ZBTB9: variants seen among roughly 807,000 people sequenced by gnomAD.
The protein encoded by ZBTB9 is zinc finger and BTB domain-containing protein 9.
Under a neutral mutation model 26.3 loss-of-function variants are expected in ZBTB9, and 17 were observed. The observed-to-expected ratio is 0.65, with a 90% CI of 0.44 to 0.97. The LOEUF is 0.97. Ranked by LOEUF, ZBTB9 falls within the 50% of genes least tolerant of loss-of-function variation. The pLI, the probability that ZBTB9 is intolerant of heterozygous loss-of-function variation, is 0.00. For synonymous variants in ZBTB9, 226 were observed against 234.3 expected (o/e 0.96, Z 0.32); for missense variants, 510 against 594.2 (o/e 0.86, Z 1.47).
rs201509071 is a variant in ZBTB9, at chr6:33,455,534, G to A, written c.434G>A (p.Gly145Asp). The change falls in exon 2 of 2, where the codon GGT becomes GAT. Residue 145 changes from glycine (G) to aspartate (D), a missense_variant. Physicochemically the swap from Gly to Asp is moderately conservative, Grantham distance 94. Coordinates refer to ENST00000395064, the MANE Select transcript of ZBTB9 (RefSeq NM_152735.4). ...SEILRELETS[G>D]GGISARGGNS... is the part of the protein sequence containing the mutation. ...ATTCTTAGAGAATTAGAAACTTCAG[G>A]TGGTGGAATTTCAGCCCGTGGAGGA... 108 of 1,614,046 alleles carry A rather than the reference G, an allele frequency of 6.7e-5. No individual in the cohort carries two copies. The highest frequency in any genetic ancestry group is 8.7e-5 in the Non-Finnish European group (103 of 1,180,036).
chr6:33,456,347 G>C lies in ZBTB9; in HGVS notation c.1247G>C (p.Cys416Ser). ...FSLRPFGCGI[C>S]NKRFKLKHHL... ...CTTCGGCCTTTTGGCTGTGGCATCT[G>C]CAACAAGCGCTTCAAGCTGAAGCAC... The change falls in exon 2 of 2, where the codon TGC (cysteine) becomes TCC (serine). Residue 416 changes from cysteine to serine, a missense_variant. Coordinates refer to ENST00000395064, the MANE Select transcript of ZBTB9 (RefSeq NM_152735.4). The surrounding 1 kb of genome is among the most constrained non-coding windows in gnomAD (Gnocchi z 5.1). 6.2e-7 allele frequency: 1 copy of C among 1,614,136 alleles called. No homozygotes were observed. Among genetic ancestry groups the C allele is most frequent in the Non-Finnish European group, 8.5e-7 (1 of 1,180,046 alleles).
rs1008508262 is a variant in ZBTB9, at chr6:33,457,139, G to C, written c.*617G>C. The C allele has an allele frequency of 6.0e-6, 1 of 167,212 alleles. No individual in the cohort carries two copies. The highest frequency in any genetic ancestry group is 1.9e-4 in the East Asian group (1 of 5,192). 10.4% of individuals were successfully genotyped at this position (167,212 alleles called of 1,614,324 possible). A position where few individuals can be genotyped will look rare whatever the true frequency, so the allele number is the denominator to read the frequency against. ...TTGTAGCTGAGCACTTTAACAAGTT[G>C]AGCATTCCATGTTTCATTCTTAGAA... On this transcript the variant is annotated 3_prime_UTR_variant, in exon 2 of 2. Transcript: ENST00000395064.
At position 33,456,216 on chromosome 6, in the gene ZBTB9, G is replaced by A. The variant is rs1365198073; in HGVS notation, c.1116G>A (p.Lys372=). Residue 372 remains lysine (K), a synonymous_variant, in exon 2 of 2, where the codon AAG becomes AAA. Transcript: ENST00000395064. The surrounding 1 kb of genome is among the most constrained non-coding windows in gnomAD (Gnocchi z 5.1). ...GAGQAVHGPV[K]LGGTPPADGK... ...GCCAGGCCGTGCATGGGCCTGTGAA[G>A]CTAGGGGGGACACCCCCTGCAGATG... is the stretch of plus-strand genomic sequence containing the variant. 6.2e-7 allele frequency: 1 copy of A among 1,611,958 alleles called. No individual in the cohort carries two copies. Among genetic ancestry groups the A allele is most frequent in the East Asian group, 2.2e-5 (1 of 44,876 alleles).
rs1195769745 is a variant in ZBTB9, at chr6:33,455,162, G to A, written c.62G>A (p.Arg21Gln). 30 of 1,613,828 alleles carry A rather than the reference G, an allele frequency of 1.9e-5. No individual in the cohort carries two copies. The highest frequency in any genetic ancestry group is 2.1e-5 in the Non-Finnish European group (25 of 1,179,946). Reference protein sequence around the residue: ...PASPTCNPAPRTIQIEFPQHS... With the variant: ...PASPTCNPAPQTIQIEFPQHS... The stretch of plus-strand genomic sequence containing the variant: ...TCCCCGACCTGCAACCCAGCCCCAC[G>A]GACAATCCAGATCGAGTTCCCACAG... Residue 21 changes from arginine (R) to glutamine (Q), a missense_variant, in exon 2 of 2, where the codon CGG becomes CAG. Arg to Gln is a conservative substitution (Grantham distance 43). This residue lies in a region of ZBTB9 where 439 missense variants were observed against 460.4 expected (regional missense o/e 0.95). Transcript: ENST00000395064.
intron 1 of ZBTB9, 67 bp from the exon 2 acceptor site, chr6:33,454,963 G>A (rs1014953859): frequency 7.4e-5 from 100 of 1,346,960 alleles, no homozygotes; most frequent in Middle Eastern, 6.9e-4. Flanking sequence ...GTGGGGAGGG[G>A]GTTGTTTGAG....
chr6:33,455,525 A>G lies in ZBTB9; in HGVS notation c.425A>G (p.Glu142Gly), dbSNP rs1362268991. Residue 142 changes from glutamate to glycine, a missense_variant, in exon 2 of 2, where the codon GAA (glutamate) becomes GGA (glycine). Glu to Gly is a moderately conservative substitution (Grantham distance 98). Transcript: ENST00000395064. ...TGCTCAGAAATTCTTAGAGAATTAG[A>G]AACTTCAGGTGGTGGAATTTCAGCC... is the stretch of plus-strand genomic sequence containing the variant. The part of the protein sequence containing the change: ...DQCSEILREL[E>G]TSGGGISARG... 4 of 1,614,102 alleles carry G rather than the reference A, an allele frequency of 2.5e-6. No homozygotes were observed. The Admixed American group carries it at 6.7e-5, about 27-fold the overall frequency.
chr6:33,456,037 T>C lies in ZBTB9; in HGVS notation c.937T>C (p.Phe313Leu). The C allele has an allele frequency of 6.2e-7, 1 of 1,613,858 alleles. No homozygotes were observed. Among genetic ancestry groups the C allele is most frequent in the Non-Finnish European group, 8.5e-7 (1 of 1,179,960 alleles). The stretch of plus-strand genomic sequence containing the variant: ...AGGAGCAAAGGAGGAAACCAAAGTG[T>C]TTTCTGGAGGGGACACTGAAGGGAA... The part of the protein sequence containing the change: ...PGGAKEETKV[F>L]SGGDTEGNGE... The change falls in exon 2 of 2, where the codon TTT (phenylalanine) becomes CTT (leucine). Residue 313 changes from phenylalanine to leucine, a missense_variant. This residue lies in a region of ZBTB9 where 439 missense variants were observed against 460.4 expected (regional missense o/e 0.95). Coordinates refer to ENST00000395064, the MANE Select transcript of ZBTB9 (RefSeq NM_152735.4). The surrounding 1 kb of genome is among the most constrained non-coding windows in gnomAD (Gnocchi z 5.1).
chr6:33,456,672 C>A lies in ZBTB9; in HGVS notation c.*150C>A. 1 of 1,334,646 alleles carries A rather than the reference C, an allele frequency of 7.5e-7. No homozygotes were observed. The highest frequency in any genetic ancestry group is 9.9e-7 in the Non-Finnish European group (1 of 1,013,168). The allele number at this position is 1,334,646 out of a possible 1,614,324, so 82.7% of individuals were successfully genotyped here. A position where few individuals can be genotyped will look rare whatever the true frequency, so the allele number is the denominator to read the frequency against. On this transcript the variant is annotated 3_prime_UTR_variant, in exon 2 of 2. Coordinates refer to ENST00000395064, the MANE Select transcript of ZBTB9 (RefSeq NM_152735.4). This position sits in a 1 kb window ranked among gnomAD's most constrained non-coding sequence, Gnocchi z 5.1. Reference sequence around the variant, plus strand: ...TGGACCTCTTGTTCTTAGATATGGGCCTCTCAGCCTGGCAGATGTGGAAAC... The same window carrying A: ...TGGACCTCTTGTTCTTAGATATGGGACTCTCAGCCTGGCAGATGTGGAAAC...
intron 1 of ZBTB9, 126 bp downstream of exon 1, chr6:33,454,901 G>A (rs1761448852): frequency 7.2e-6 from 5 of 697,874 alleles, no homozygotes; most frequent in East Asian, 5.7e-5. Flanking sequence ...CTTGGTGTGC[G>A]GGACTGATTT....
In ZBTB9 at chr6:33,457,224, C is replaced by A. The variant is rs114055571; in HGVS notation, c.*702C>A. On this transcript the variant is annotated 3_prime_UTR_variant, in exon 2 of 2. Transcript: ENST00000395064. ...GTGCCTCTGGTCTACCTTTGACCAC[C>A]ACTGATAACTAATATATTGGTCACA... 7.6e-3 allele frequency: 1,278 copies of A among 167,208 alleles called. 8 individuals are homozygous for A. The highest frequency in any genetic ancestry group is 0.017 in the Middle Eastern group (5 of 296). The allele number at this position is 167,208 out of a possible 1,614,324, so 10.4% of individuals were successfully genotyped here.
In ZBTB9 at chr6:33,455,669, C is replaced by T. The variant is rs1036165740; in HGVS notation, c.569C>T (p.Ala190Val). ...VQSSASTESP[A>V]STESPVGGEG... is the part of the protein sequence containing the mutation. ...TCCTCTGCTTCTACTGAAAGCCCTG[C>T]TTCCACTGAGAGCCCTGTGGGAGGG... Residue 190 changes from alanine to valine, a missense_variant, in exon 2 of 2, where the codon GCT becomes GTT. Transcript: ENST00000395064. 1.9e-6 allele frequency: 3 copies of T among 1,614,098 alleles called. No individual in the cohort carries two copies. The highest frequency in any genetic ancestry group is 2.2e-5 in the East Asian group (1 of 44,904).
At chr6:33,454,872 T>G in intron 1 of ZBTB9, 97 bp downstream of exon 1, 1 of 562,314 alleles carries the variant, frequency 1.8e-6, no homozygotes, top group Non-Finnish European at 3.0e-6. Flanking sequence ...TGGTTGTTGT[T>G]GTTGTTTGTT....
Position 33,455,906 on chromosome 6 carries a change from C to T in ZBTB9, c.806C>T (p.Pro269Leu), listed in dbSNP as rs1761477993. 6.2e-7 allele frequency: 1 copy of T among 1,613,122 alleles called. No homozygotes were observed. The highest frequency in any genetic ancestry group is 1.7e-5 in the Admixed American group (1 of 59,902). Residue 269 changes from proline (P) to leucine (L), a missense_variant, in exon 2 of 2, where the codon CCA (proline) becomes CTA (leucine). This residue lies in a region of ZBTB9 where 439 missense variants were observed against 460.4 expected (regional missense o/e 0.95). Coordinates refer to ENST00000395064, the MANE Select transcript of ZBTB9 (RefSeq NM_152735.4). ...AAGCTTCCAGAGGGTGAGAGTGCAC[C>T]ACTTGAGCTTCCTGCCCCTCCTGCA... ...PRKLPEGESA[P>L]LELPAPPALP...
rs1308996527 is a variant in ZBTB9, at chr6:33,455,642, A to C, written c.542A>C (p.Gln181Pro). The C allele has an allele frequency of 6.2e-7, 1 of 1,614,064 alleles. No homozygotes were observed. Among genetic ancestry groups the C allele is most frequent in the Non-Finnish European group, 8.5e-7 (1 of 1,180,020 alleles). ...TCTTCGCCTTTCCAGACCCCAGTAC[A>C]GTCCTCTGCTTCTACTGAAAGCCCT... is the stretch of plus-strand genomic sequence containing the variant. ...IRSSPFQTPVQSSASTESPAS... is the reference protein window; with the variant it reads ...IRSSPFQTPVPSSASTESPAS... The change falls in exon 2 of 2, where the codon CAG (glutamine) becomes CCG (proline). Residue 181 changes from glutamine (Q) to proline (P), a missense_variant. Coordinates refer to ENST00000395064, the MANE Select transcript of ZBTB9 (RefSeq NM_152735.4).
At position 33,455,455 on chromosome 6, in the gene ZBTB9, C is replaced by G. The variant is rs759754854; in HGVS notation, c.355C>G (p.Leu119Val). 1.4e-5 allele frequency: 22 copies of G among 1,614,128 alleles called. No homozygotes were observed. The highest frequency in any genetic ancestry group is 1.8e-5 in the Non-Finnish European group (21 of 1,179,980). Residue 119 changes from leucine to valine, a missense_variant, in exon 2 of 2, where the codon CTC becomes GTC. Physicochemically the swap from Leu to Val is conservative, Grantham distance 32. Around this residue, in one of 2 missense-constraint regions of ZBTB9, gnomAD observed 439 missense variants for 460.4 expected, o/e 0.95. Transcript: ENST00000395064. ...GCCACTGGATGCTCTTCCTGCTCATCTCCTTGTGGCCAGTGGCCTTCAAAT... is the reference window on the plus strand; with the variant it reads ...GCCACTGGATGCTCTTCCTGCTCATGTCCTTGTGGCCAGTGGCCTTCAAAT... ...RLPLDALPAH[L>V]LVASGLQMWQ...
At position 33,455,432 on chromosome 6, in the gene ZBTB9, C is replaced by T. The variant is rs1294488452; in HGVS notation, c.332C>T (p.Pro111Leu). Residue 111 changes from proline to leucine, a missense_variant, in exon 2 of 2, where the codon CCA becomes CTA. By Grantham distance (98) the Pro-to-Leu change is moderately conservative. Transcript: ENST00000395064. ...QLIYSGRLRLPLDALPAHLLV... is the reference protein window; with the variant it reads ...QLIYSGRLRLLLDALPAHLLV... The stretch of plus-strand genomic sequence containing the variant: ...ATTTATTCAGGGCGTCTCCGCCTGC[C>T]ACTGGATGCTCTTCCTGCTCATCTC... 1 of 1,614,032 alleles carries T rather than the reference C, an allele frequency of 6.2e-7. No individual in the cohort carries two copies. The highest frequency in any genetic ancestry group is 8.5e-7 in the Non-Finnish European group (1 of 1,179,934).
At chr6:33,454,418 G>C (rs564442090), upstream of ZBTB9, 3 of 152,614 alleles carry the variant, frequency 2.0e-5, no homozygotes, top group East Asian at 5.8e-4. Flanking sequence ...CGGGACGCCC[G>C]TTGCGAGGAC....
chr6:33,455,830 T>C lies in ZBTB9; in HGVS notation c.730T>C (p.Phe244Leu). The C allele has an allele frequency of 6.2e-7, 1 of 1,611,198 alleles. No homozygotes were observed. Among genetic ancestry groups the C allele is most frequent in the Admixed American group, 1.7e-5 (1 of 59,816 alleles). Residue 244 changes from phenylalanine (F) to leucine (L), a missense_variant, in exon 2 of 2, where the codon TTT (phenylalanine) becomes CTT (leucine). This residue lies in a region of ZBTB9 where 439 missense variants were observed against 460.4 expected (regional missense o/e 0.95). Coordinates refer to ENST00000395064, the MANE Select transcript of ZBTB9 (RefSeq NM_152735.4). The stretch of plus-strand genomic sequence containing the variant: ...TCAGCCCCAGAGAGTATCAGGGGTT[T>C]TTCCCCGTCCTCATGGACCCCACCC... ...TPQPQRVSGV[F>L]PRPHGPHPLP...
rs1319366053 is a variant in ZBTB9, at chr6:33,456,588, C to CA, written c.*67dup. 6.5e-7 allele frequency: 1 copy of CA among 1,528,982 alleles called. No individual in the cohort carries two copies. The highest frequency in any genetic ancestry group is 2.3e-5 in the East Asian group (1 of 44,120). 94.7% of individuals were successfully genotyped at this position (1,528,982 alleles called of 1,614,324 possible). On this transcript the variant is annotated 3_prime_UTR_variant, in exon 2 of 2. Transcript: ENST00000395064. This position sits in a 1 kb window ranked among gnomAD's most constrained non-coding sequence, Gnocchi z 5.1. The stretch of plus-strand genomic sequence containing the variant: ...CTGCTGCTGATGGATACTTTTCCCT[C>CA]ACTGCCATGGCACACCAGTCATGGA...
Sources: allele counts gnomAD v4.1 joint callset, GRCh38; gene constraint gnomAD v4.1.1; regional missense constraint gnomAD v4.1.1; non-coding constraint Gnocchi (gnomAD v3.1); transcripts MANE v1.5; gene names NCBI Gene and HGNC (gene_info 2026-07-23, HGNC 2026-07-21).